SCARA3: variants seen among roughly 807,000 people sequenced by gnomAD.
The protein encoded by SCARA3 is scavenger receptor class A member 3, also known as cellular stress response gene protein.
SCARA3 carries 39 observed loss-of-function variants against 47.0 expected under a neutral mutation model. That is an observed-to-expected ratio of 0.83 (90% CI 0.64 to 1.08). The LOEUF (loss-of-function observed/expected upper bound fraction) is 1.08, where lower values mean the gene tolerates loss of function less well. Ranked by LOEUF, SCARA3 falls within the 50% of genes least tolerant of loss-of-function variation. SCARA3 has a pLI of 0.00. For synonymous variants in SCARA3, 356 were observed against 334.1 expected, an observed-to-expected ratio of 1.07 and a Z score of -0.71; for missense variants, 724 against 792.3, an observed-to-expected ratio of 0.91 and a Z score of 1.04.
chr8:27,672,177 C>A lies in SCARA3; in HGVS notation c.*826C>A. ...ACAGTGGGGCCACGAGGCTGACATT[C>A]TCTGGCCTTGCACACAGTGCCCCCT... is the stretch of plus-strand genomic sequence containing the variant. On this transcript the variant is annotated 3_prime_UTR_variant, in exon 6 of 6. Transcript: ENST00000301904. 1.0e-6 allele frequency: 1 copy of A among 985,472 alleles called. No homozygotes were observed. The highest frequency in any genetic ancestry group is 4.7e-5 in the South Asian group (1 of 21,292). The allele number at this position is 985,472 out of a possible 1,614,324, so 61.0% of individuals were successfully genotyped here.
chr8:27,721,289 G>T, the SCARA3 span, among the ~76,000 whole-genome samples: 4 of 152,210 alleles, frequency 2.6e-5, no homozygotes, highest in African/African-American at 9.6e-5. Flanking sequence ...TAGAGACTTT[G>T]CTTTCAAAAA....
At chr8:27,664,401 A>G (rs544673331) in intron 5 of SCARA3, among the ~76,000 whole-genome samples, 3 of 152,306 alleles carry the variant, frequency 2.0e-5, no homozygotes, top group East Asian at 1.9e-4. Flanking sequence ...TGGTGACTCT[A>G]TTTATAGAAA....
the SCARA3 span, among the ~76,000 whole-genome samples, chr8:27,725,229 TGAA>T: frequency 6.6e-6 from 1 of 151,904 alleles, no homozygotes; most frequent in East Asian, 1.9e-4. Context: ...ATAAAAGATA[TGAA>T]GAAGAAGCAG....
At chr8:27,661,175 A>G (rs1801906548) in intron 5 of SCARA3, among the ~76,000 whole-genome samples, 1 of 152,164 alleles carries the variant, frequency 6.6e-6, no homozygotes, top group Non-Finnish European at 1.5e-5. Flanking sequence ...ATATTTGACC[A>G]ATATCTGATC....
chr8:27,694,354 C>T, the SCARA3 span, among the ~76,000 whole-genome samples: 26 of 152,130 alleles, frequency 1.7e-4, no homozygotes, highest in East Asian at 1.5e-3. Flanking sequence ...CTTCATTCTA[C>T]GGAAAATATG....
At chr8:27,694,681 C>T in the SCARA3 span, among the ~76,000 whole-genome samples, 1 of 152,062 alleles carries the variant, frequency 6.6e-6, no homozygotes, top group Non-Finnish European at 1.5e-5. Flanking sequence ...GAGCTTACCT[C>T]CATGATAATT....
At chr8:27,668,356 A>C (rs1037796195) in intron 5 of SCARA3, among the ~76,000 whole-genome samples, 35 of 150,922 alleles carry the variant, frequency 2.3e-4, no homozygotes, top group African/African-American at 8.3e-4. Context: ...CTGGCTAACA[A>C]GGTGAAACCC....
intron 1 of SCARA3, among the ~76,000 whole-genome samples, 154 bp from the exon 2 acceptor site, chr8:27,649,548 C>T (rs1290173165): frequency 1.3e-5 from 2 of 152,182 alleles, no homozygotes; most frequent in Non-Finnish European, 2.9e-5. Flanking sequence ...TTCTTATGTC[C>T]GCTCCCTTTT....
downstream of SCARA3, among the ~76,000 whole-genome samples, chr8:27,675,254 T>A (rs563619294): frequency 6.6e-6 from 1 of 152,302 alleles, no homozygotes; most frequent in African/African-American, 2.4e-5. Context: ...CAGCCCTGGA[T>A]ACACCTGTCA....
intron 1 of SCARA3, 83 bp from the exon 2 acceptor site, chr8:27,649,619 G>A (rs1801586582): frequency 7.8e-7 from 1 of 1,289,136 alleles, no homozygotes; most frequent in Non-Finnish European, 1.1e-6. Context: ...AGGTGGGCAT[G>A]GGATATGGGG....
chr8:27,717,311 G>T, the SCARA3 span, among the ~76,000 whole-genome samples: 1 of 152,036 alleles, frequency 6.6e-6, no homozygotes, highest in Non-Finnish European at 1.5e-5. Context: ...TGTGGGTATA[G>T]CTATAGATGT....
At chr8:27,661,079 G>A (rs1437639039) in intron 5 of SCARA3, among the ~76,000 whole-genome samples, 2 of 152,128 alleles carry the variant, frequency 1.3e-5, no homozygotes, top group African/African-American at 4.8e-5. Flanking sequence ...GCCTGCTCAC[G>A]CCAGGGAGGG....
the SCARA3 span, among the ~76,000 whole-genome samples, chr8:27,711,632 G>C: frequency 6.6e-6 from 1 of 152,084 alleles, no homozygotes; most frequent in Non-Finnish European, 1.5e-5. Flanking sequence ...CTACTGGTTG[G>C]TCATTGCTTC....
At position 27,659,430 on chromosome 8, in the gene SCARA3, C is replaced by G; in HGVS notation, c.1260C>G (p.Leu420=). The change falls in exon 5 of 6, where the codon CTC becomes CTG. Residue 420 remains leucine (L), a synonymous_variant. Coordinates refer to ENST00000301904, the MANE Select transcript of SCARA3 (RefSeq NM_016240.3). ...TDLLRERFSL[L]SARLDLNVRN... is the part of the protein sequence containing the mutation. Reference sequence around the variant, plus strand: ...TGCTCCGGGAGCGCTTCAGCCTGCTCAGTGCCCGGCTGGACCTCAACGTCC... The same window carrying G: ...TGCTCCGGGAGCGCTTCAGCCTGCTGAGTGCCCGGCTGGACCTCAACGTCC... 2 of 1,613,794 alleles carry G rather than the reference C, an allele frequency of 1.2e-6. No homozygotes were observed. Among genetic ancestry groups the G allele is most frequent in the Non-Finnish European group, 8.5e-7 (1 of 1,179,840 alleles).
intron 5 of SCARA3, among the ~76,000 whole-genome samples, chr8:27,669,500 C>T (rs1189815323): frequency 6.6e-6 from 1 of 152,244 alleles, no homozygotes; most frequent in African/African-American, 2.4e-5. Flanking sequence ...CTGCCAGGGG[C>T]TCCTGCAGGC....
downstream of SCARA3, among the ~76,000 whole-genome samples, chr8:27,675,206 G>A (rs924724891): frequency 6.6e-5 from 10 of 152,124 alleles, no homozygotes; most frequent in Non-Finnish European, 1.5e-4. Flanking sequence ...CCTCCAACTC[G>A]TCTCTAGCCA....
At chr8:27,644,021 C>T (rs1458337414) in intron 1 of SCARA3, among the ~76,000 whole-genome samples, 1 of 152,084 alleles carries the variant, frequency 6.6e-6, no homozygotes, top group Non-Finnish European at 1.5e-5. Context: ...TAGCAATGTG[C>T]CAAGGCATGC....
chr8:27,698,524 G>A, the SCARA3 span, among the ~76,000 whole-genome samples: 2 of 151,976 alleles, frequency 1.3e-5, no homozygotes, highest in East Asian at 1.9e-4. Flanking sequence ...CCTCCCCAAC[G>A]AAATAAGACA....
the SCARA3 span, among the ~76,000 whole-genome samples, chr8:27,731,536 T>G: frequency 6.7e-6 from 1 of 149,980 alleles, no homozygotes; most frequent in South Asian, 2.1e-4. Flanking sequence ...TATTCCCAGC[T>G]ACTTGAGAGG....
Sources: allele counts gnomAD v4.1 joint callset (sites outside exome capture counted in the v4.1 genomes callset), GRCh38; gene constraint gnomAD v4.1.1; transcripts MANE v1.5; gene names NCBI Gene and HGNC (gene_info 2026-07-23, HGNC 2026-07-21).